Variants in RIC8B observed in about 807,000 individuals in gnomAD.
RIC8B encodes the protein chaperone Ric-8B.
Under a neutral mutation model 57.5 loss-of-function variants are expected in RIC8B, and 16 were observed. The observed-to-expected ratio is 0.28, with a 90% CI of 0.19 to 0.42. RIC8B has a LOEUF of 0.42. Ranked by LOEUF, RIC8B falls within the 10% of genes least tolerant of loss-of-function variation. RIC8B has a pLI of 1.00. For missense variants in RIC8B, 481 were observed against 677.0 expected (o/e 0.71, Z 3.21); for synonymous variants, 216 against 250.8 (o/e 0.86, Z 1.31).
Position 106,842,733 on chromosome 12 carries a change from G to T in RIC8B, c.981G>T (p.Leu327Phe). The T allele has an allele frequency of 6.2e-7, 1 of 1,613,804 alleles. No homozygotes were observed. The highest frequency in any genetic ancestry group is 1.1e-5 in the South Asian group (1 of 91,060). ...AAACAGCTGAGAAAGAAACAGTTTT[G>T]AAAAACAATACCATGGTATACAATG... ...SNKTAEKETV[L>F]KNNTMVYNGM... The change falls in exon 5 of 10, where the codon TTG (leucine) becomes TTT (phenylalanine). Residue 327 changes from leucine (L) to phenylalanine (F), a missense_variant. Around this residue, in one of 3 missense-constraint regions of RIC8B, gnomAD observed 421 missense variants for 560.9 expected, o/e 0.75. Transcript: ENST00000392837.
chr12:106,842,686 C>G lies in RIC8B; in HGVS notation c.934C>G (p.Leu312Val). ...AGAAACAGCCCAAGAGGCAACGACT[C>G]TAGATGAACTGCCCAGTAATAAAAC... ...HEETAQEATT[L>V]DELPSNKTAE... The change falls in exon 5 of 10, where the codon CTA (leucine) becomes GTA (valine). Residue 312 changes from leucine to valine, a missense_variant. Leu to Val is a conservative substitution (Grantham distance 32). Around this residue, in one of 3 missense-constraint regions of RIC8B, gnomAD observed 421 missense variants for 560.9 expected, o/e 0.75. Transcript: ENST00000392837. The G allele has an allele frequency of 1.2e-6, 2 of 1,613,914 alleles. No individual in the cohort carries two copies. The highest frequency in any genetic ancestry group is 1.7e-6 in the Non-Finnish European group (2 of 1,179,856).
intron 4 of RIC8B, among the ~76,000 whole-genome samples, chr12:106,827,892 G>A (rs936934256): frequency 6.6e-6 from 1 of 152,166 alleles, no homozygotes; most frequent in Non-Finnish European, 1.5e-5. Flanking sequence ...ATACAAGGAT[G>A]TGAAAGGAAG....
At chr12:106,866,588 G>T (rs1182841761) in intron 8 of RIC8B, among the ~76,000 whole-genome samples, 1 of 152,038 alleles carries the variant, frequency 6.6e-6, no homozygotes, top group Non-Finnish European at 1.5e-5. Flanking sequence ...CTTTCGTAGG[G>T]GTTGCAAATT....
rs1474816361 is a variant in RIC8B at position 106,815,076 on chromosome 12, G to A, written c.513G>A (p.Leu171=). The A allele has an allele frequency of 1.9e-6, 3 of 1,614,212 alleles. No homozygotes were observed. Among genetic ancestry groups the A allele is most frequent in the East Asian group, 2.2e-5 (1 of 44,890 alleles). The part of the protein sequence containing the change: ...KCFDLRLLFL[L]SLLHTDIRSQ... ...TTGACTTGCGCTTGCTCTTCCTTCT[G>A]TCACTTTTGCACACCGACATCAGGT... Residue 171 remains leucine (L), a synonymous_variant, in exon 3 of 10, where the codon CTG becomes CTA. Transcript: ENST00000392837.
chr12:106,864,009 A>G (rs1038797386), intron 8 of RIC8B, among the ~76,000 whole-genome samples: 3 of 152,198 alleles, frequency 2.0e-5, no homozygotes, highest in Non-Finnish European at 4.4e-5. Flanking sequence ...TGGTAGATAC[A>G]TAGTAAATAT....
At chr12:106,831,178 C>T (rs2046338509) in intron 4 of RIC8B, among the ~76,000 whole-genome samples, 1 of 152,198 alleles carries the variant, frequency 6.6e-6, no homozygotes, top group Admixed American at 6.5e-5. Flanking sequence ...CTAGATCTGT[C>T]AGCCCACCTT....
rs766596740 is a variant in RIC8B, at chr12:106,774,831, TAA to T, written c.84+4_84+5del. 18 of 1,551,428 alleles carry T rather than the reference TAA, an allele frequency of 1.2e-5. No homozygotes were observed. The highest frequency in any genetic ancestry group is 2.7e-5 in the African/African-American group (2 of 73,036). On this transcript the variant is annotated splice_donor_region_variant and intron_variant, in intron 1 of 9. Coordinates refer to ENST00000392837, the MANE Select transcript of RIC8B (RefSeq NM_001330145.2). Reference sequence around the variant, plus strand: ...GTCCTGAGGGATTACAGCGACAAGGTAAAGAGTCCTGGCCCCGGGCGTGCGGT... The same window carrying T: ...GTCCTGAGGGATTACAGCGACAAGGTAGAGTCCTGGCCCCGGGCGTGCGGT...
rs1440125010 is a variant in RIC8B, at chr12:106,867,642, A to G, written c.1452-3181A>G. Reference sequence around the variant, plus strand: ...TCACGTCTTTGTTGTCACAATGGCTATTATTTGTTTTCTCTTCCTTTCTGG... The same window carrying G: ...TCACGTCTTTGTTGTCACAATGGCTGTTATTTGTTTTCTCTTCCTTTCTGG... On this transcript the variant is annotated intron_variant, in intron 8 of 9. Transcript: ENST00000392837. This position sits in a 1 kb window ranked among gnomAD's most constrained non-coding sequence, Gnocchi z 4.3. 6.6e-6 allele frequency among the ~76,000 whole-genome samples: 1 copy of G among 152,126 alleles called. No homozygotes were observed. Among genetic ancestry groups the G allele is most frequent in the African/African-American group, 2.4e-5 (1 of 41,428 alleles).
chr12:106,824,992 C>T (rs934642390), intron 3 of RIC8B, among the ~76,000 whole-genome samples: 3 of 152,164 alleles, frequency 2.0e-5, no homozygotes, highest in Middle Eastern at 3.4e-3. Context: ...TATCCAGGCT[C>T]TCTATCACAA....
At chr12:106,807,584 G>A (rs2045101379) in intron 2 of RIC8B, among the ~76,000 whole-genome samples, 2 of 152,216 alleles carry the variant, frequency 1.3e-5, no homozygotes, top group South Asian at 4.1e-4. Context: ...AGTGGCAAGA[G>A]CTCCATCATA....
At chr12:106,870,422 ATGTT>A (rs1190617653) in intron 8 of RIC8B, among the ~76,000 whole-genome samples, 1 of 151,700 alleles carries the variant, frequency 6.6e-6, no homozygotes, top group Non-Finnish European at 1.5e-5. Flanking sequence ...ATTTTTTTTG[ATGTT>A]TGTTTTATGC....
At chr12:106,840,907 A>G (rs1478947190) in intron 4 of RIC8B, among the ~76,000 whole-genome samples, 1 of 152,200 alleles carries the variant, frequency 6.6e-6, no homozygotes, top group Non-Finnish European at 1.5e-5. Context: ...AAAAATCATA[A>G]CATTTCAGAA....
intron 3 of RIC8B, among the ~76,000 whole-genome samples, chr12:106,822,077 C>CAAAAAAAAAAAAA (rs67378158): frequency 5.3e-3 from 202 of 37,950 alleles, no homozygotes; most frequent in Non-Finnish European, 6.2e-3. Context: ...GACTCCATCT[C>CAAAAAAAAAAAAA]AAAAAAAAAA....
At chr12:106,830,772 T>C (rs921266317) in intron 4 of RIC8B, among the ~76,000 whole-genome samples, 2 of 152,180 alleles carry the variant, frequency 1.3e-5, no homozygotes, top group African/African-American at 4.8e-5. Flanking sequence ...CATGCACATA[T>C]CTTGTCACTG....
At chr12:106,779,271 G>A (rs1327470086) in intron 1 of RIC8B, among the ~76,000 whole-genome samples, 11 of 130,812 alleles carry the variant, frequency 8.4e-5, no homozygotes, top group Admixed American at 3.9e-4. Flanking sequence ...TCATTCTGCC[G>A]CCCAGGCTGG....
intron 2 of RIC8B, among the ~76,000 whole-genome samples, chr12:106,785,762 A>C (rs1284525202): frequency 3.8e-5 from 5 of 132,942 alleles, no homozygotes; most frequent in Non-Finnish European, 8.1e-5. Flanking sequence ...TTGGGAGGTG[A>C]GCTCCAGACA....
intron 2 of RIC8B, among the ~76,000 whole-genome samples, chr12:106,785,781 C>CTA (rs1217849904): frequency 1.3e-4 from 18 of 136,988 alleles, no homozygotes; most frequent in African/African-American, 5.1e-4. Flanking sequence ...CATGTGTATT[C>CTA]TATGTCTCTC....
rs557389765 is a variant in RIC8B, at chr12:106,859,162, C to T, written c.1307-1106C>T. ...TTTCAGATGACATTTTAACAACATT[C>T]TGTTAAAGACCTTAAGTAAATTTTC... On this transcript the variant is annotated intron_variant, in intron 7 of 9. Transcript: ENST00000392837. 3.9e-5 allele frequency among the ~76,000 whole-genome samples: 6 copies of T among 152,228 alleles called. 1 individual carries two copies. The South Asian group carries it at 1.2e-3, about 32-fold the overall frequency.
At chr12:106,801,124 T>C (rs2044713173) in intron 2 of RIC8B, among the ~76,000 whole-genome samples, 2 of 152,128 alleles carry the variant, frequency 1.3e-5, no homozygotes, top group South Asian at 4.1e-4. Context: ...TTCTGAAAAA[T>C]AGGCTTAAGT....
Sources: gnomAD v4.1 joint callset for allele counts (sites outside exome capture counted in the v4.1 genomes callset) on GRCh38, gnomAD v4.1.1 for gene constraint, gnomAD v4.1.1 regional missense constraint, Gnocchi (gnomAD v3.1) non-coding constraint, MANE v1.5 for transcripts, NCBI Gene and HGNC (gene_info 2026-07-23, HGNC 2026-07-21) for gene names.